The following WDTC1 variants were observed in gnomAD, a reference collection of about 807,000 sequenced individuals.
WDTC1 encodes the protein WD and tetratricopeptide repeats protein 1.
A neutral mutation model predicts 76.0 loss-of-function variants in WDTC1; 12 were observed. The observed-to-expected ratio is 0.16, with a 90% CI of 0.10 to 0.26. WDTC1 has a LOEUF of 0.26. Ranked by LOEUF, WDTC1 falls within the 10% of genes least tolerant of loss-of-function variation. The pLI is 1.00. For synonymous variants in WDTC1, 326 were observed against 350.8 expected (o/e 0.93, Z 0.79); for missense variants, 511 against 908.8 (o/e 0.56, Z 5.63).
chr1:27,305,759 T>A lies in WDTC1; in HGVS notation c.1837-427T>A, dbSNP rs1200635280. Among the ~76,000 whole-genome samples, 1 of 152,142 alleles carries A rather than the reference T, an allele frequency of 6.6e-6. No individual in the cohort carries two copies. Among genetic ancestry groups the A allele is most frequent in the East Asian group, 1.9e-4 (1 of 5,198 alleles). ...GATTCCCAAGATAATTTGCTGTGACTTTTAAAGAGAGGACCCCTATAGGCT... is the reference window on the plus strand; with the variant it reads ...GATTCCCAAGATAATTTGCTGTGACATTTAAAGAGAGGACCCCTATAGGCT... On this transcript the variant is annotated intron_variant, in intron 15 of 15. Transcript: ENST00000319394. This position sits in a 1 kb window ranked among gnomAD's most constrained non-coding sequence, Gnocchi z 4.6.
At position 27,294,015 on chromosome 1, in the gene WDTC1, C is replaced by T. The variant is rs764109590; in HGVS notation, c.663-7C>T. ...ACTTTAACCTATATGATTTTCCTTC[C>T]CACCAGAAAGAGCATGAAGCAGAGC... On this transcript the variant is annotated splice_polypyrimidine_tract_variant and splice_region_variant and intron_variant, in intron 7 of 15. Coordinates refer to ENST00000319394, the MANE Select transcript of WDTC1 (RefSeq NM_001276252.2). The T allele has an allele frequency of 6.2e-7, 1 of 1,613,726 alleles. No homozygotes were observed. Among genetic ancestry groups the T allele is most frequent in the Non-Finnish European group, 8.5e-7 (1 of 1,179,788 alleles).
At chr1:27,258,537 A>AAAG (rs896112422) in intron 1 of WDTC1, among the ~76,000 whole-genome samples, 2 of 151,126 alleles carry the variant, frequency 1.3e-5, no homozygotes, top group Admixed American at 6.6e-5. Flanking sequence ...GCCAAAAAAA[A>AAAG]AAAAGAAAAA....
At chr1:27,282,382 G>A in intron 4 of WDTC1, 97 bp downstream of exon 4, 1 of 1,258,520 alleles carries the variant, frequency 7.9e-7, no homozygotes, top group Non-Finnish European at 1.1e-6. Flanking sequence ...GAAAAGATTG[G>A]ACCCAAATGA....
At chr1:27,238,907 C>T (rs1184527532) in intron 1 of WDTC1, among the ~76,000 whole-genome samples, 1 of 150,840 alleles carries the variant, frequency 6.6e-6, no homozygotes, top group Non-Finnish European at 1.5e-5. Context: ...AGGGTTTTGC[C>T]ATGTTGCCCA....
chr1:27,292,222 G>T lies in WDTC1; in HGVS notation c.487G>T (p.Asp163Tyr). Residue 163 changes from aspartate (D) to tyrosine (Y), a missense_variant, in exon 7 of 16, where the codon GAC becomes TAC. Asp to Tyr is a radical substitution (Grantham distance 160). Coordinates refer to ENST00000319394, the MANE Select transcript of WDTC1 (RefSeq NM_001276252.2). Reference sequence around the variant, plus strand: ...CTCTGTCCTCTCTCACAGCCAGTATGACCTTCGAGAGAACAGCAAACACTC... The same window carrying T: ...CTCTGTCCTCTCTCACAGCCAGTATTACCTTCGAGAGAACAGCAAACACTC... Reference protein sequence around the residue: ...AAEDGLIRQYDLRENSKHSEV... With the variant: ...AAEDGLIRQYYLRENSKHSEV... The T allele has an allele frequency of 1.3e-6, 2 of 1,583,004 alleles. No individual in the cohort carries two copies. The highest frequency in any genetic ancestry group is 2.3e-5 in the South Asian group (2 of 87,280).
At chr1:27,283,994 A>G (rs1300199797) in intron 5 of WDTC1, among the ~76,000 whole-genome samples, 3 of 152,080 alleles carry the variant, frequency 2.0e-5, no homozygotes, top group African/African-American at 7.2e-5. Context: ...GAATATTTTG[A>G]TTTGTTGGAG....
At chr1:27,285,996 G>GTTTT (rs5773184) in intron 5 of WDTC1, among the ~76,000 whole-genome samples, 8 of 63,304 alleles carry the variant, frequency 1.3e-4, no homozygotes, top group Non-Finnish European at 1.9e-4. Context: ...CAGGATGGTG[G>GTTTT]TTTTTTTTTT....
At chr1:27,285,054 G>A (rs1570972005) in intron 5 of WDTC1, among the ~76,000 whole-genome samples, 1 of 144,156 alleles carries the variant, frequency 6.9e-6, no homozygotes, top group South Asian at 2.2e-4. Context: ...TTTTTTTGAG[G>A]GTGAGTCTTA....
chr1:27,282,289 A>T lies in WDTC1; in HGVS notation c.179+4A>T. On this transcript the variant is annotated splice_donor_region_variant and intron_variant, in intron 4 of 15. Coordinates refer to ENST00000319394, the MANE Select transcript of WDTC1 (RefSeq NM_001276252.2). ...TGGAGTGGAATGAGAAAGGAGAGTA[A>T]GTATGAGCTAGAGCACCTGAAGGGT... 1 of 1,613,716 alleles carries T rather than the reference A, an allele frequency of 6.2e-7. No homozygotes were observed. The highest frequency in any genetic ancestry group is 8.5e-7 in the Non-Finnish European group (1 of 1,179,710).
intron 6 of WDTC1, among the ~76,000 whole-genome samples, chr1:27,291,037 C>T (rs1333931264): frequency 6.6e-6 from 1 of 152,166 alleles, no homozygotes; most frequent in Non-Finnish European, 1.5e-5. Flanking sequence ...AGAAGCGGAG[C>T]GTCTAGCGCA....
chr1:27,287,377 T>G (rs1225302574), intron 5 of WDTC1, among the ~76,000 whole-genome samples: 1 of 151,990 alleles, frequency 6.6e-6, no homozygotes, highest in Non-Finnish European at 1.5e-5. Context: ...TTTTTGTTGT[T>G]GTTGTTGTTT....
chr1:27,283,880 G>A (rs2013260531), intron 5 of WDTC1, among the ~76,000 whole-genome samples: 1 of 152,164 alleles, frequency 6.6e-6, no homozygotes, highest in Admixed American at 6.5e-5. Flanking sequence ...TTTTTAAAAG[G>A]AAATAACAGT....
intron 1 of WDTC1, among the ~76,000 whole-genome samples, chr1:27,252,214 G>A (rs1338559149): frequency 1.3e-5 from 2 of 151,894 alleles, no homozygotes; most frequent in Non-Finnish European, 2.9e-5. Flanking sequence ...GGGCATGGTG[G>A]CACACACATG....
intron 6 of WDTC1, among the ~76,000 whole-genome samples, chr1:27,288,331 TATTA>T (rs1208642643): frequency 6.6e-5 from 10 of 151,900 alleles, no homozygotes; most frequent in African/African-American, 9.7e-5. Context: ...TAGTTATTTT[TATTA>T]ATTAATTAAT....
chr1:27,301,816 G>T lies in WDTC1; in HGVS notation c.1468+355G>T, dbSNP rs1356117405. 2.0e-5 allele frequency among the ~76,000 whole-genome samples: 3 copies of T among 152,190 alleles called. No homozygotes were observed. On this transcript the variant is annotated intron_variant, in intron 13 of 15. Coordinates refer to ENST00000319394, the MANE Select transcript of WDTC1 (RefSeq NM_001276252.2). The surrounding 1 kb of genome is among the most constrained non-coding windows in gnomAD (Gnocchi z 5.8). ...ACAGGGCCCTGGTGGTTCCACTTGGGCATCTGAGAGGCAGAAGCTGGTCAT... is the reference window on the plus strand; with the variant it reads ...ACAGGGCCCTGGTGGTTCCACTTGGTCATCTGAGAGGCAGAAGCTGGTCAT...
intron 7 of WDTC1, among the ~76,000 whole-genome samples, chr1:27,292,911 C>G (rs1198049240): frequency 6.6e-6 from 1 of 150,400 alleles, no homozygotes; most frequent in African/African-American, 2.4e-5. Context: ...GCCACCACAC[C>G]TGGCTAATTT....
intron 1 of WDTC1, among the ~76,000 whole-genome samples, chr1:27,251,033 ATTTT>A (rs71584875): frequency 1.0e-4 from 3 of 28,686 alleles, no homozygotes; most frequent in African/African-American, 1.7e-4. Context: ...CTCCTGGCTA[ATTTT>A]TTTTTTTTTT....
Position 27,297,024 on chromosome 1 carries a change from C to T in WDTC1, c.950-24C>T, listed in dbSNP as rs762648746. On this transcript the variant is annotated intron_variant, in intron 10 of 15. Transcript: ENST00000319394. ...GGTCCTCTTCCTGAGTTGTTGCTGT[C>T]ACTTTCTCACTATCTCCTGCCAGAA... is the stretch of plus-strand genomic sequence containing the variant. The T allele has an allele frequency of 5.6e-6, 9 of 1,610,700 alleles. No individual in the cohort carries two copies. In the Middle Eastern group the frequency reaches 5.0e-4, roughly 89 times the overall value.
chr1:27,241,995 G>A (rs1454104804), intron 1 of WDTC1, among the ~76,000 whole-genome samples: 2 of 151,872 alleles, frequency 1.3e-5, no homozygotes, highest in South Asian at 2.1e-4. Flanking sequence ...GGGTTCAAGC[G>A]ATTCTCTTGC....
Sources: allele counts gnomAD v4.1 joint callset (sites outside exome capture counted in the v4.1 genomes callset), GRCh38; gene constraint gnomAD v4.1.1; non-coding constraint Gnocchi (gnomAD v3.1); transcripts MANE v1.5; gene names NCBI Gene and HGNC (gene_info 2026-07-23, HGNC 2026-07-21).